The following TLL2 variants were observed in gnomAD, a reference collection of about 807,000 sequenced individuals.
TLL2 encodes tolloid like 2.
In TLL2, 106 loss-of-function variants were observed where a neutral mutation model predicts 123.0. The observed-to-expected ratio is 0.86, with a 90% CI of 0.74 to 1.01. The LOEUF is 1.01. Among genes scored for constraint, TLL2 ranks in the 50% least tolerant of loss-of-function variants. The pLI is 0.00. For missense variants in TLL2, 1,332 were observed against 1,336.7 expected (o/e 1.00, Z 0.06); for synonymous variants, 494 against 516.8 (o/e 0.96, Z 0.60).
At chr10:96,404,042 T>C (rs367724874) in intron 10 of TLL2, among the ~76,000 whole-genome samples, 2,417 of 151,862 alleles carry the variant, frequency 0.016, 28 homozygotes, top group African/African-American at 0.031. Context: ...ATCACCCTGC[T>C]CTCCTACTAC....
intron 15 of TLL2, among the ~76,000 whole-genome samples, chr10:96,385,394 A>ACCCTCATG (rs1846224529): frequency 6.6e-6 from 1 of 152,118 alleles, no homozygotes; most frequent in African/African-American, 2.4e-5. Flanking sequence ...TTGGGGTGAC[A>ACCCTCATG]CCCTCATGGG....
At chr10:96,489,186 G>A (rs1367295961) in intron 1 of TLL2, among the ~76,000 whole-genome samples, 2 of 152,218 alleles carry the variant, frequency 1.3e-5, no homozygotes, top group African/African-American at 2.4e-5. Context: ...GAAACCAGGA[G>A]TTTGGTATCA....
chr10:96,468,457 C>T (rs1847149936), intron 2 of TLL2, among the ~76,000 whole-genome samples: 1 of 152,182 alleles, frequency 6.6e-6, no homozygotes, highest in Non-Finnish European at 1.5e-5. Context: ...TTGCTCCTTT[C>T]TCTCCAATTC....
chr10:96,381,963 C>T (rs1300440268), intron 16 of TLL2, among the ~76,000 whole-genome samples: 1 of 152,218 alleles, frequency 6.6e-6, no homozygotes, highest in Non-Finnish European at 1.5e-5. Context: ...ACAGTTCCTG[C>T]TTGTAAACAG....
intron 1 of TLL2, among the ~76,000 whole-genome samples, chr10:96,485,241 C>T (rs1847346203): frequency 6.6e-6 from 1 of 152,100 alleles, no homozygotes; most frequent in Non-Finnish European, 1.5e-5. Flanking sequence ...GTAGATATAA[C>T]ATCAAAAGCA....
In TLL2 at chr10:96,397,165, C is replaced by T; in HGVS notation, c.1384+21G>A. Reference sequence around the variant, plus strand: ...GAGCTTATGAGGGGCCACCGAGCAGCTGCTTTCACCTCGCACAAACCTTCG... The same window carrying T: ...GAGCTTATGAGGGGCCACCGAGCAGTTGCTTTCACCTCGCACAAACCTTCG... On this transcript the variant is annotated intron_variant, in intron 11 of 20. Coordinates refer to ENST00000357947, the MANE Select transcript of TLL2 (RefSeq NM_012465.4). 1.2e-6 allele frequency: 2 copies of T among 1,601,114 alleles called. 1 individual carries two copies. Among genetic ancestry groups the T allele is most frequent in the South Asian group, 2.2e-5 (2 of 89,978 alleles).
At chr10:96,405,148 G>T in intron 10 of TLL2, 84 bp downstream of exon 10, 2 of 1,309,982 alleles carry the variant, frequency 1.5e-6, no homozygotes, top group Non-Finnish European at 2.2e-6. Flanking sequence ...TGTGACCGCT[G>T]TCAAGGTGGA....
At chr10:96,441,882 C>G (rs1008861532) in intron 3 of TLL2, among the ~76,000 whole-genome samples, 1 of 152,108 alleles carries the variant, frequency 6.6e-6, no homozygotes, top group Admixed American at 6.5e-5. Context: ...TGTTTTGCAC[C>G]CAAGTTTGTG....
At chr10:96,411,359 C>G (rs1223157792) in intron 8 of TLL2, among the ~76,000 whole-genome samples, 1 of 148,300 alleles carries the variant, frequency 6.7e-6, no homozygotes, top group East Asian at 2.0e-4. Flanking sequence ...TAGTTTAAAT[C>G]TTTCCTCTTC....
At chr10:96,411,075 C>G (rs1364311136) in intron 8 of TLL2, among the ~76,000 whole-genome samples, 1 of 151,862 alleles carries the variant, frequency 6.6e-6, no homozygotes, top group Non-Finnish European at 1.5e-5. Flanking sequence ...AACCCCATCT[C>G]TACTAAAAAT....
intron 2 of TLL2, among the ~76,000 whole-genome samples, chr10:96,462,194 G>C (rs1010844393): frequency 1.3e-5 from 2 of 152,170 alleles, no homozygotes; most frequent in Admixed American, 6.5e-5. Context: ...TAAAGTCCTT[G>C]GCCTGTGGTC....
intron 1 of TLL2, among the ~76,000 whole-genome samples, chr10:96,497,457 C>T (rs527858302): frequency 1.3e-5 from 2 of 152,320 alleles, no homozygotes; most frequent in East Asian, 1.9e-4. Flanking sequence ...CTTCTGTGGA[C>T]GGCATCCTCC....
intron 3 of TLL2, among the ~76,000 whole-genome samples, chr10:96,435,635 T>C (rs1709609750): frequency 6.6e-6 from 1 of 152,206 alleles, no homozygotes; most frequent in Admixed American, 6.5e-5. Context: ...TTAATTTTTG[T>C]ATATGGTGTG....
intron 13 of TLL2, among the ~76,000 whole-genome samples, chr10:96,388,152 A>G (rs1249997990): frequency 1.3e-5 from 2 of 152,142 alleles, no homozygotes; most frequent in Non-Finnish European, 2.9e-5. Context: ...GCCTGTAATC[A>G]CAGCACTTTG....
In TLL2 at chr10:96,407,907, G is replaced by A. The variant is rs549575299; in HGVS notation, c.1164+2452C>T. On this transcript the variant is annotated intron_variant, in intron 9 of 20. Coordinates refer to ENST00000357947, the MANE Select transcript of TLL2 (RefSeq NM_012465.4). ...CGTGTGTGTGCATGTGTGTGCGCACGCTGTCACTCCTCTTTCAAACTAGAC... is the reference window on the plus strand; with the variant it reads ...CGTGTGTGTGCATGTGTGTGCGCACACTGTCACTCCTCTTTCAAACTAGAC... Among the ~76,000 whole-genome samples, 16 of 152,378 alleles carry A rather than the reference G, an allele frequency of 1.1e-4. No individual in the cohort carries two copies. In the South Asian group the frequency reaches 2.3e-3, roughly 22 times the overall value.
intron 2 of TLL2, among the ~76,000 whole-genome samples, chr10:96,473,048 G>GCC (rs11433390): frequency 0.018 from 2,804 of 151,704 alleles, 90 homozygotes; most frequent in African/African-American, 0.063. Flanking sequence ...GGTTCCATCA[G>GCC]CCCCCCCCAA....
At position 96,469,636 on chromosome 10, in the gene TLL2, G is replaced by A. The variant is rs144651151; in HGVS notation, c.286+10713C>T. ...GCAGTGGCTCCCCCAACCCAGTGGG[G>A]GCTTTGATCCCAGATCCCACCCTCC... is the stretch of plus-strand genomic sequence containing the variant. On this transcript the variant is annotated intron_variant, in intron 2 of 20. Coordinates refer to ENST00000357947, the MANE Select transcript of TLL2 (RefSeq NM_012465.4). Among the ~76,000 whole-genome samples the A allele has an allele frequency of 6.8e-3, 1,039 of 152,096 alleles. 15 individuals carry two copies. Among genetic ancestry groups the A allele is most frequent in the African/African-American group, 0.023 (950 of 41,512 alleles).
intron 13 of TLL2, 129 bp from the exon 14 acceptor site, chr10:96,387,207 C>T: frequency 7.5e-7 from 1 of 1,334,488 alleles, no homozygotes; most frequent in East Asian, 2.4e-5. Context: ...GTGACCACCT[C>T]CCAAAGAGTG....
At chr10:96,476,240 A>ATTCTTTTTTTTT (rs1554939626) in intron 2 of TLL2, among the ~76,000 whole-genome samples, 1 of 20,500 alleles carries the variant, frequency 4.9e-5, no homozygotes, top group African/African-American at 1.7e-4. Context: ...ATATATATAT[A>ATTCTTTTTTTTT]TTTTATTTTT....
Sources: gnomAD v4.1 joint callset for allele counts (sites outside exome capture counted in the v4.1 genomes callset) on GRCh38, gnomAD v4.1.1 for gene constraint, MANE v1.5 for transcripts, NCBI Gene and HGNC (gene_info 2026-07-23, HGNC 2026-07-21) for gene names.